MCPH1: variants seen among roughly 807,000 people sequenced by gnomAD.
The protein encoded by MCPH1 is microcephalin.
In MCPH1, 104 loss-of-function variants were observed where a neutral mutation model predicts 84.5. The observed-to-expected ratio is 1.23, with a 90% confidence interval of 1.05 to 1.45. MCPH1 has a LOEUF of 1.45. Ranked by LOEUF, MCPH1 falls within the 40% of genes most tolerant of loss-of-function variation. MCPH1 has a pLI of 0.00. For missense variants in MCPH1, 1,498 were observed against 1,005.7 expected (o/e 1.49, Z -6.62); for synonymous variants, 514 against 366.8 (o/e 1.40, Z -4.58).
intron 12 of MCPH1, among the ~76,000 whole-genome samples, chr8:6,608,186 C>G (rs903809693): frequency 1.3e-5 from 2 of 152,140 alleles, no homozygotes; most frequent in African/African-American, 4.8e-5. Context: ...ACGGCCTGCC[C>G]GGACCCTGAT....
At chr8:6,600,301 C>T (rs1182409895) in intron 12 of MCPH1, among the ~76,000 whole-genome samples, 1 of 152,230 alleles carries the variant, frequency 6.6e-6, no homozygotes, top group Non-Finnish European at 1.5e-5. Context: ...AGAGAGGGTC[C>T]CCAGCAGGGA....
At chr8:6,637,690 C>G (rs1232688125) in intron 13 of MCPH1, among the ~76,000 whole-genome samples, 1 of 152,012 alleles carries the variant, frequency 6.6e-6, no homozygotes, top group African/African-American at 2.4e-5. Context: ...ACAGAGTCTC[C>G]CAATGTTGCC....
At chr8:6,440,610 A>G (rs1330550055) in intron 6 of MCPH1, among the ~76,000 whole-genome samples, 1 of 152,170 alleles carries the variant, frequency 6.6e-6, no homozygotes, top group Non-Finnish European at 1.5e-5. Context: ...CCCTTTCTCC[A>G]TACTTGGAAA....
At chr8:6,424,232 G>A (rs973303791) in intron 3 of MCPH1, among the ~76,000 whole-genome samples, 1 of 152,186 alleles carries the variant, frequency 6.6e-6, no homozygotes, top group African/African-American at 2.4e-5. Flanking sequence ...ATAAAGGTCA[G>A]CTTGGCCCCC....
At chr8:6,435,965 A>G in intron 4 of MCPH1, 83 bp from the exon 5 acceptor site, 2 of 1,523,062 alleles carry the variant, frequency 1.3e-6, no homozygotes, top group Non-Finnish European at 8.9e-7. Context: ...TATAAAAGGT[A>G]TCAGAAATGT....
At chr8:6,454,372 CAA>C (rs1158313136) in intron 8 of MCPH1, among the ~76,000 whole-genome samples, 12 of 152,292 alleles carry the variant, frequency 7.9e-5, no homozygotes, top group African/African-American at 2.9e-4. Context: ...ACTTTTGCGT[CAA>C]AGTTTGCATT....
intron 2 of MCPH1, among the ~76,000 whole-genome samples, chr8:6,411,172 A>T (rs1798482978): frequency 1.3e-5 from 2 of 152,170 alleles, no homozygotes; most frequent in Non-Finnish European, 2.9e-5. Context: ...TTGGGCATTT[A>T]CACAGGCCTG....
In MCPH1 at chr8:6,416,426, G is replaced by T. The variant is rs115238970; in HGVS notation, c.233+1543G>T. The stretch of plus-strand genomic sequence containing the variant: ...AAAGCTTTCAGTATTTCATTATTTC[G>T]TATGATGGTAACTGTGGTTTGTGTA... On this transcript the variant is annotated intron_variant, in intron 3 of 13. Coordinates refer to ENST00000344683, the MANE Select transcript of MCPH1 (RefSeq NM_024596.5). 3.5e-3 allele frequency among the ~76,000 whole-genome samples: 538 copies of T among 152,234 alleles called. 1 individual carries two copies. Among genetic ancestry groups the T allele is most frequent in the African/African-American group, 0.012 (515 of 41,524 alleles).
At chr8:6,448,839 C>T (rs1404288865) in intron 8 of MCPH1, among the ~76,000 whole-genome samples, 4 of 152,074 alleles carry the variant, frequency 2.6e-5, no homozygotes, top group South Asian at 2.1e-4. Flanking sequence ...AAGTTTATTA[C>T]GCTTCATGGG....
intron 12 of MCPH1, among the ~76,000 whole-genome samples, chr8:6,603,519 T>C (rs566344948): frequency 6.6e-6 from 1 of 152,314 alleles, no homozygotes; most frequent in South Asian, 2.1e-4. Flanking sequence ...GTTTATGCCT[T>C]TATATGAATT....
intron 8 of MCPH1, among the ~76,000 whole-genome samples, chr8:6,449,609 GACA>G (rs1214642387): frequency 6.6e-6 from 1 of 151,312 alleles, no homozygotes; most frequent in Non-Finnish European, 1.5e-5. Context: ...CTCCATCCTG[GACA>G]ACGAGAGTGA....
At position 6,647,016 on chromosome 8, in the gene MCPH1, A is replaced by G. The variant is rs1166165532; in HGVS notation, c.*3967A>G. The G allele has an allele frequency of 6.6e-6, 1 of 152,206 alleles. No individual in the cohort carries two copies. Among genetic ancestry groups the G allele is most frequent in the East Asian group, 1.9e-4 (1 of 5,202 alleles). The allele number at this position is 152,206 out of a possible 1,614,324, so 9.4% of individuals were successfully genotyped here. On this transcript the variant is annotated 3_prime_UTR_variant, in exon 14 of 14. Transcript: ENST00000344683. ...AACCATTAAAAAAAAATGAAAAGAC[A>G]AGCCACAGACTATGAAAAAATACTT...
chr8:6,461,039 G>A (rs1195532052), intron 9 of MCPH1, among the ~76,000 whole-genome samples: 2 of 152,120 alleles, frequency 1.3e-5, no homozygotes, highest in African/African-American at 2.4e-5. Flanking sequence ...GAAGACAGCA[G>A]TAAGAGGCCA....
intron 12 of MCPH1, chr8:6,501,337 C>T (rs1812136149): frequency 6.6e-6 from 1 of 152,066 alleles, no homozygotes; most frequent in Non-Finnish European, 1.5e-5. Flanking sequence ...TGAAGACAGA[C>T]ATATAGTAGA....
chr8:6,564,059 G>A (rs1454630198), intron 12 of MCPH1, among the ~76,000 whole-genome samples: 1 of 143,420 alleles, frequency 7.0e-6, no homozygotes, highest in Non-Finnish European at 1.5e-5. Context: ...TTGGCTCACT[G>A]CAACCTCCGC....
At position 6,504,274 on chromosome 8, in the gene MCPH1, C is replaced by A. The variant is rs1292087376; in HGVS notation, c.2214+4345C>A. 2.1e-5 allele frequency among the ~76,000 whole-genome samples: 3 copies of A among 145,218 alleles called. No individual in the cohort carries two copies. The Middle Eastern group carries it at 0.011, about 519-fold the overall frequency. On this transcript the variant is annotated intron_variant, in intron 12 of 13. Transcript: ENST00000344683. ...CGGAGCTTGCAGTGAGCCGAGATCG[C>A]GCCACTGCACTCCAGCCTGGGCGAC...
intron 8 of MCPH1, chr8:6,446,371 A>AATGC (rs1804371188): frequency 3.7e-5 from 36 of 984,762 alleles, no homozygotes; most frequent in Non-Finnish European, 4.3e-5. Context: ...CTGCTCTACA[A>AATGC]ATGTTTTAAC....
intron 8 of MCPH1, chr8:6,447,033 A>T: frequency 2.0e-6 from 2 of 985,256 alleles, no homozygotes; most frequent in Non-Finnish European, 2.4e-6. Flanking sequence ...GCCCGGGTGC[A>T]AGAAAACATT....
intron 12 of MCPH1, among the ~76,000 whole-genome samples, chr8:6,505,798 A>T (rs1813540917): frequency 8.2e-6 from 1 of 121,268 alleles, no homozygotes; most frequent in Non-Finnish European, 1.8e-5. Context: ...ATATATAAAA[A>T]CATGCATATT....
Sources: gnomAD v4.1 joint callset for allele counts (sites outside exome capture counted in the v4.1 genomes callset) on GRCh38, gnomAD v4.1.1 for gene constraint, MANE v1.5 for transcripts, NCBI Gene and HGNC (gene_info 2026-07-23, HGNC 2026-07-21) for gene names.